CCDC102B: variants seen among roughly 807,000 people sequenced by gnomAD.
CCDC102B encodes coiled-coil domain-containing protein 102B.
Under a neutral mutation model 57.4 loss-of-function variants are expected in CCDC102B, and 75 were observed. The observed-to-expected ratio is 1.31, with a 90% CI of 1.08 to 1.58. The LOEUF is 1.58. Among genes scored for constraint, CCDC102B ranks in the 40% most tolerant of loss-of-function variants. CCDC102B has a pLI of 0.00. For synonymous variants in CCDC102B, 206 were observed against 201.9 expected (o/e 1.02, Z -0.17); for missense variants, 636 against 582.6 (o/e 1.09, Z -0.94).
At chr18:68,783,357 T>C (rs2035071482) in intron 2 of CCDC102B, among the ~76,000 whole-genome samples, 1 of 152,182 alleles carries the variant, frequency 6.6e-6, no homozygotes, top group South Asian at 2.1e-4. Flanking sequence ...GATGTGTCTC[T>C]CCCTGTCCCT....
At chr18:68,875,975 A>G (rs1486258768) in intron 5 of CCDC102B, among the ~76,000 whole-genome samples, 1 of 152,110 alleles carries the variant, frequency 6.6e-6, no homozygotes, top group Non-Finnish European at 1.5e-5. Context: ...ATTATGAGAA[A>G]GGCTGAACTG....
intron 6 of CCDC102B, among the ~76,000 whole-genome samples, chr18:68,986,972 A>T (rs1341270292): frequency 1.3e-5 from 2 of 152,206 alleles, no homozygotes. Context: ...TGGAAGAGTC[A>T]ATATCATTAA....
rs181397608 is a variant in CCDC102B at position 68,804,811 on chromosome 18, T to C, written c.-16+6630T>C. ...AATGAAAGTGTCTTTAAAATAATTT[T>C]TATTTTAGAAAATGCCAAAGATATG... On this transcript the variant is annotated intron_variant, in intron 1 of 7. Coordinates refer to ENST00000360242, the MANE Select transcript of CCDC102B (RefSeq NM_024781.3). Among the ~76,000 whole-genome samples the C allele has an allele frequency of 2.7e-3, 412 of 152,246 alleles. 1 individual carries two copies. The highest frequency in any genetic ancestry group is 4.2e-3 in the Admixed American group (64 of 15,294).
chr18:68,989,869 A>G (rs746624249), intron 6 of CCDC102B, among the ~76,000 whole-genome samples: 6 of 152,124 alleles, frequency 3.9e-5, no homozygotes, highest in Non-Finnish European at 4.4e-5. Flanking sequence ...CCGCTCCGCT[A>G]TCAGCTCCAA....
intron 5 of CCDC102B, among the ~76,000 whole-genome samples, chr18:68,881,831 C>T (rs1047340820): frequency 3.3e-5 from 5 of 152,072 alleles, no homozygotes; most frequent in Non-Finnish European, 7.4e-5. Flanking sequence ...CGCCCTTGAC[C>T]ACTATGTGAT....
chr18:68,794,285 C>G (rs890522740), upstream of CCDC102B, among the ~76,000 whole-genome samples: 2 of 151,940 alleles, frequency 1.3e-5, no homozygotes, highest in African/African-American at 2.4e-5. Flanking sequence ...TTGTCTTGTT[C>G]AAGGAATGAA....
chr18:68,867,920 G>A (rs1427157389), intron 4 of CCDC102B, among the ~76,000 whole-genome samples: 2 of 152,016 alleles, frequency 1.3e-5, no homozygotes, highest in East Asian at 3.9e-4. Context: ...GGGCGAAAGA[G>A]TAAGACTCCG....
At chr18:68,833,095 A>C (rs2037213953) in intron 1 of CCDC102B, among the ~76,000 whole-genome samples, 2 of 152,190 alleles carry the variant, frequency 1.3e-5, no homozygotes, top group African/African-American at 4.8e-5. Flanking sequence ...ACTCTAAAAA[A>C]TTTATAGTGA....
chr18:68,783,118 C>T (rs115338379), intron 2 of CCDC102B, among the ~76,000 whole-genome samples: 10 of 152,172 alleles, frequency 6.6e-5, no homozygotes, highest in African/African-American at 1.9e-4. Flanking sequence ...ACGATTGGTT[C>T]GCTTATTTAT....
intron 2 of CCDC102B, among the ~76,000 whole-genome samples, chr18:68,731,505 T>C (rs1046478585): frequency 3.3e-5 from 5 of 152,078 alleles, no homozygotes; most frequent in Admixed American, 2.0e-4. Flanking sequence ...GGAAAATTGA[T>C]TTTTGAGGAA....
At chr18:68,743,160 C>A (rs912661425) in intron 2 of CCDC102B, among the ~76,000 whole-genome samples, 4 of 151,678 alleles carry the variant, frequency 2.6e-5, no homozygotes, top group Admixed American at 2.6e-4. Flanking sequence ...GAGGTCAGGA[C>A]TTTGAGACCA....
At chr18:68,934,000 C>T (rs2041765045) in intron 6 of CCDC102B, among the ~76,000 whole-genome samples, 4 of 151,780 alleles carry the variant, frequency 2.6e-5, no homozygotes, top group Non-Finnish European at 5.9e-5. Context: ...TAAATGCTTT[C>T]ACATGGCACT....
At chr18:68,997,884 G>T (rs1475793793) in intron 6 of CCDC102B, among the ~76,000 whole-genome samples, 1 of 151,902 alleles carries the variant, frequency 6.6e-6, no homozygotes, top group African/African-American at 2.4e-5. Flanking sequence ...CATTGCTGTA[G>T]TTTAAGCTCT....
In CCDC102B at chr18:68,893,483, T is replaced by C. The variant is rs2040146172; in HGVS notation, c.1054-3736T>C. Among the ~76,000 whole-genome samples, 6 of 152,242 alleles carry C rather than the reference T, an allele frequency of 3.9e-5. No individual in the cohort carries two copies. The South Asian group carries it at 1.2e-3, about 32-fold the overall frequency. ...GTCTAGTAACTGGATTCTTTTAGAG[T>C]GCTGTCTTAATTTTGCTTTGTGTGT... On this transcript the variant is annotated intron_variant, in intron 5 of 7. Transcript: ENST00000360242.
intron 6 of CCDC102B, among the ~76,000 whole-genome samples, chr18:68,949,983 T>A (rs1287351003): frequency 1.3e-5 from 2 of 152,168 alleles, no homozygotes; most frequent in African/African-American, 4.8e-5. Context: ...ACCAGAATAC[T>A]GTCTATAATT....
At chr18:68,956,892 C>T (rs550351144) in intron 6 of CCDC102B, among the ~76,000 whole-genome samples, 8 of 151,436 alleles carry the variant, frequency 5.3e-5, no homozygotes, top group Admixed American at 2.0e-4. Context: ...ATGTTAAGTA[C>T]CTTTTCATAT....
At chr18:69,046,170 A>T (rs2052561154) in intron 7 of CCDC102B, among the ~76,000 whole-genome samples, 1 of 152,038 alleles carries the variant, frequency 6.6e-6, no homozygotes, top group African/African-American at 2.4e-5. Context: ...TGGAGGAATC[A>T]CCACACTGCT....
chr18:68,988,238 T>C (rs2050774032), intron 6 of CCDC102B, among the ~76,000 whole-genome samples: 1 of 152,114 alleles, frequency 6.6e-6, no homozygotes, highest in Non-Finnish European at 1.5e-5. Flanking sequence ...AACATGTTTT[T>C]TGCAGCAACA....
At chr18:68,749,018 T>C (rs1016673038) in intron 2 of CCDC102B, among the ~76,000 whole-genome samples, 2 of 152,222 alleles carry the variant, frequency 1.3e-5, no homozygotes, top group African/African-American at 2.4e-5. Flanking sequence ...CCCATCACCA[T>C]TTATTAAATA....
Sources: gnomAD v4.1 joint callset for allele counts (sites outside exome capture counted in the v4.1 genomes callset) on GRCh38, gnomAD v4.1.1 for gene constraint, MANE v1.5 for transcripts, NCBI Gene and HGNC (gene_info 2026-07-23, HGNC 2026-07-21) for gene names.